Variants in ADGRV1 observed in about 807,000 individuals in gnomAD.
ADGRV1 encodes the protein adhesion G protein-coupled receptor V1.
ADGRV1 carries 359 observed loss-of-function variants against 596.2 expected under a neutral mutation model. That is an observed-to-expected ratio of 0.60 (90% confidence interval 0.55 to 0.66). The LOEUF (loss-of-function observed/expected upper bound fraction) is 0.66. Among genes scored for constraint, ADGRV1 ranks in the 30% least tolerant of loss-of-function variants. The pLI is 0.00. For synonymous variants in ADGRV1, 2,681 were observed against 2,679.2 expected (o/e 1.00, Z -0.02); for missense variants, 7,274 against 7,575.6 (o/e 0.96, Z 1.48).
chr5:90,783,832 A>G lies in ADGRV1; in HGVS notation c.13434-6A>G, dbSNP rs1057521453. ...ACTCACAGAATTGCTCCTTCTTGCC[A>G]TGCAGTGAATTTGAGGAGCCCATTG... On this transcript the variant is annotated splice_polypyrimidine_tract_variant and splice_region_variant and intron_variant, in intron 66 of 89. Transcript: ENST00000405460. The G allele has an allele frequency of 6.3e-7, 1 of 1,594,582 alleles. No homozygotes were observed. The highest frequency in any genetic ancestry group is 1.1e-5 in the South Asian group (1 of 87,890).
In ADGRV1 at chr5:90,835,699, G is replaced by A. The variant is rs536654402; in HGVS notation, c.16612-4879G>A. Among the ~76,000 whole-genome samples the A allele has an allele frequency of 1.3e-4, 20 of 152,286 alleles. No homozygotes were observed. The South Asian group carries it at 2.9e-3, about 22-fold the overall frequency. ...CATGGGTCCCAGGTGGAAATGGCAC[G>A]CTATTTTTCAAGTGCCAAAAGAAAA... On this transcript the variant is annotated intron_variant, in intron 77 of 89. Coordinates refer to ENST00000405460, the MANE Select transcript of ADGRV1 (RefSeq NM_032119.4).
At chr5:90,831,235 C>A (rs2443082) in intron 77 of ADGRV1, among the ~76,000 whole-genome samples, 122,362 of 147,190 alleles carry the variant, frequency 0.83, 51,730 homozygotes, top group Non-Finnish European at 0.91. Flanking sequence ...CTCTCTCTCT[C>A]TATATATATA....
intron 76 of ADGRV1, among the ~76,000 whole-genome samples, chr5:90,823,841 C>A (rs1763831426): frequency 6.6e-6 from 1 of 152,074 alleles, no homozygotes; most frequent in Admixed American, 6.5e-5. Context: ...AAAATAACAA[C>A]CATGTAGGTT....
At chr5:90,759,675 G>A (rs1756250344) in intron 58 of ADGRV1, 87 bp downstream of exon 58, 1 of 1,254,462 alleles carries the variant, frequency 8.0e-7, no homozygotes, top group African/African-American at 1.5e-5. Flanking sequence ...TTTTTGTTTT[G>A]GAAGTCTTGG....
At chr5:90,862,852 A>G (rs1767738478) in intron 82 of ADGRV1, among the ~76,000 whole-genome samples, 1 of 152,242 alleles carries the variant, frequency 6.6e-6, no homozygotes, top group Admixed American at 6.5e-5. Flanking sequence ...GCAGATGCCC[A>G]GTCCACTTAT....
chr5:90,697,074 A>G lies in ADGRV1; in HGVS notation c.8083A>G (p.Ile2695Val), dbSNP rs41311339. 10 of 1,613,492 alleles carry G rather than the reference A, an allele frequency of 6.2e-6. No individual in the cohort carries two copies. The highest frequency in any genetic ancestry group is 2.2e-5 in the East Asian group (1 of 44,870). Residue 2695 changes from isoleucine (I) to valine (V), a missense_variant, in exon 34 of 90, where the codon ATT becomes GTT. Physicochemically the swap from Ile to Val is conservative, Grantham distance 29. Transcript: ENST00000405460. ...AAGCTCCGACACTGTTAGAGTGAAC[A>G]TTTTGGCCAATGACAATGTGGCAGG... is the stretch of plus-strand genomic sequence containing the variant. ...LPSSDTVRVN[I>V]LANDNVAGIV...
At chr5:90,752,785 A>C (rs1263305482) in intron 53 of ADGRV1, among the ~76,000 whole-genome samples, 1 of 152,254 alleles carries the variant, frequency 6.6e-6, no homozygotes, top group Non-Finnish European at 1.5e-5. Context: ...AATAGCAAAG[A>C]CATGGAATCA....
chr5:90,844,745 G>C (rs183057191), intron 78 of ADGRV1, among the ~76,000 whole-genome samples: 25 of 152,250 alleles, frequency 1.6e-4, no homozygotes, highest in Admixed American at 1.4e-3. Flanking sequence ...TTCTGTAAAA[G>C]TTTGATAGAC....
intron 83 of ADGRV1, among the ~76,000 whole-genome samples, chr5:90,931,931 A>G (rs1775285875): frequency 6.6e-6 from 1 of 152,340 alleles, no homozygotes; most frequent in East Asian, 1.9e-4. Flanking sequence ...TGAATGGTCC[A>G]TAAGAGCAGA....
chr5:90,638,298 T>C (rs970971256), intron 11 of ADGRV1, among the ~76,000 whole-genome samples: 1 of 152,052 alleles, frequency 6.6e-6, no homozygotes, highest in South Asian at 2.1e-4. Flanking sequence ...CAAACAGTTC[T>C]GCTGGCTTTA....
intron 76 of ADGRV1, among the ~76,000 whole-genome samples, chr5:90,826,973 A>T (rs1159766646): frequency 6.6e-6 from 1 of 152,146 alleles, no homozygotes; most frequent in Non-Finnish European, 1.5e-5. Flanking sequence ...TTATCTTATG[A>T]TTCTATATTA....
At chr5:91,041,005 A>C (rs1481664863) in intron 85 of ADGRV1, among the ~76,000 whole-genome samples, 2 of 152,158 alleles carry the variant, frequency 1.3e-5, no homozygotes, top group African/African-American at 4.8e-5. Context: ...AAACCTAACT[A>C]TGTTAAGAGA....
chr5:90,807,749 C>A lies in ADGRV1; in HGVS notation c.14972+12C>A. 6.6e-7 allele frequency: 1 copy of A among 1,517,610 alleles called. No individual in the cohort carries two copies. The highest frequency in any genetic ancestry group is 1.3e-5 in the South Asian group (1 of 76,084). 94.0% of individuals were successfully genotyped at this position (1,517,610 alleles called of 1,614,324 possible). ...GGAGCTCAACTCCGGTAAGACCAACCTCATTCTCACCCAAGAAATTCTCTG... is the reference window on the plus strand; with the variant it reads ...GGAGCTCAACTCCGGTAAGACCAACATCATTCTCACCCAAGAAATTCTCTG... On this transcript the variant is annotated intron_variant, in intron 73 of 89. Transcript: ENST00000405460.
chr5:91,152,595 C>T (rs1204918514), intron 88 of ADGRV1, among the ~76,000 whole-genome samples: 1 of 152,132 alleles, frequency 6.6e-6, no homozygotes, highest in African/African-American at 2.4e-5. Context: ...TAAATTGTCT[C>T]AGGGAGAGAC....
intron 85 of ADGRV1, among the ~76,000 whole-genome samples, chr5:90,998,326 A>AT (rs1007130250): frequency 4.6e-4 from 70 of 151,230 alleles, no homozygotes; most frequent in African/African-American, 1.6e-3. Flanking sequence ...AGTAAGCATT[A>AT]TTTTTTTTTA....
At chr5:90,691,923 A>G (rs1746531556) in intron 31 of ADGRV1, among the ~76,000 whole-genome samples, 1 of 152,218 alleles carries the variant, frequency 6.6e-6, no homozygotes, top group Admixed American at 6.5e-5. Context: ...GGAAAAGTTA[A>G]TCACTAACAT....
rs1413702443 is a variant in ADGRV1 at position 90,802,894 on chromosome 5, T to C, written c.14661+12T>C. The C allele has an allele frequency of 3.8e-6, 6 of 1,594,434 alleles. No individual in the cohort carries two copies. In the Admixed American group the frequency reaches 1.0e-4, roughly 28 times the overall value. ...CTGCCAATTCTCAGGTAATTGGCCC[T>C]GTGTGTGGTTCTCTCAGCAGAACAC... On this transcript the variant is annotated intron_variant, in intron 71 of 89. Transcript: ENST00000405460.
chr5:90,842,917 G>A (rs142859854), intron 78 of ADGRV1, among the ~76,000 whole-genome samples: 1,617 of 151,914 alleles, frequency 0.011, 20 homozygotes, highest in African/African-American at 0.037. Context: ...GAAATCTGTT[G>A]ATTTAACTGA....
chr5:90,676,396 A>G (rs1032509177), intron 25 of ADGRV1, among the ~76,000 whole-genome samples, 187 bp downstream of exon 25: 3 of 152,174 alleles, frequency 2.0e-5, no homozygotes, highest in African/African-American at 7.2e-5. Flanking sequence ...ATATACCATA[A>G]TATATGTGGT....
Sources: gnomAD v4.1 joint callset for allele counts (sites outside exome capture counted in the v4.1 genomes callset) on GRCh38, gnomAD v4.1.1 for gene constraint, MANE v1.5 for transcripts, NCBI Gene and HGNC (gene_info 2026-07-23, HGNC 2026-07-21) for gene names.